The following RUNX1 variants were observed in gnomAD, a reference collection of about 807,000 sequenced individuals.
RUNX1 encodes runt-related transcription factor 1.
In RUNX1, 19 loss-of-function variants were observed where a neutral mutation model predicts 42.8. The ratio of observed to expected loss-of-function variants is 0.44; its 90% CI spans 0.31 to 0.65. RUNX1 has a LOEUF of 0.65. RUNX1 is among the 30% of genes least tolerant of loss of function. RUNX1 has a pLI of 0.07. For missense variants in RUNX1, 528 were observed against 672.0 expected, an observed-to-expected ratio of 0.79 and a Z score of 2.37; for synonymous variants, 271 against 289.4, an observed-to-expected ratio of 0.94 and a Z score of 0.64.
At chr21:34,927,419 C>G (rs2058404170) in intron 2 of RUNX1, among the ~76,000 whole-genome samples, 2 of 152,106 alleles carry the variant, frequency 1.3e-5, no homozygotes, top group Admixed American at 6.6e-5. Flanking sequence ...TATGATGCAA[C>G]TAGTTTCCCA....
At chr21:34,887,958 G>A in intron 3 of RUNX1, 4 of 1,065,936 alleles carry the variant, frequency 3.8e-6, no homozygotes, top group Non-Finnish European at 4.5e-6. Flanking sequence ...ACAATCATAA[G>A]AAGGCCCAGT....
chr21:35,031,541 A>C (rs1054313666), intron 2 of RUNX1, among the ~76,000 whole-genome samples: 1 of 152,220 alleles, frequency 6.6e-6, no homozygotes, highest in African/African-American at 2.4e-5. Context: ...AAATGAAGTC[A>C]GTATGTCGAA....
At chr21:34,996,633 A>ACTCTT (rs76582001) in intron 2 of RUNX1, among the ~76,000 whole-genome samples, 57,897 of 150,916 alleles carry the variant, frequency 0.38, 11,110 homozygotes, top group Admixed American at 0.46. Context: ...GGAATGCTGA[A>ACTCTT]CTCTCTCTCT....
intron 2 of RUNX1, among the ~76,000 whole-genome samples, chr21:34,947,266 T>C (rs952406458): frequency 1.3e-5 from 2 of 152,176 alleles, no homozygotes; most frequent in African/African-American, 4.8e-5. Flanking sequence ...AAGGATGAAG[T>C]TTCAGATTTT....
chr21:35,047,561 A>ACTCT (rs55862184), intron 2 of RUNX1, among the ~76,000 whole-genome samples: 35 of 46,806 alleles, frequency 7.5e-4, no homozygotes, highest in East Asian at 1.4e-3. Context: ...ACACACACAC[A>ACTCT]CTCTCTCTCT....
chr21:35,038,775 A>T (rs929625709), intron 2 of RUNX1: 1 of 455,824 alleles, frequency 2.2e-6, no homozygotes, highest in African/African-American at 2.0e-5. Context: ...ATTTTTATAC[A>T]AAGATCTCCC....
rs1490529119 is a variant in RUNX1 at position 35,036,031 on chromosome 21, G to A, written c.58+12811C>T. Among the ~76,000 whole-genome samples the A allele has an allele frequency of 3.9e-5, 6 of 152,290 alleles. No homozygotes were observed. In the East Asian group the frequency reaches 9.7e-4, roughly 25 times the overall value. On this transcript the variant is annotated intron_variant, in intron 2 of 8. Coordinates refer to ENST00000675419, the MANE Select transcript of RUNX1 (RefSeq NM_001754.5). ...GGACTCCTCAGGAAGAACCCAAGTTGGGTCTGAAGGTGACAGTGGAGGCCA... is the reference window on the plus strand; with the variant it reads ...GGACTCCTCAGGAAGAACCCAAGTTAGGTCTGAAGGTGACAGTGGAGGCCA...
intron 2 of RUNX1, among the ~76,000 whole-genome samples, chr21:35,007,921 A>G (rs1433602027): frequency 6.6e-6 from 1 of 152,038 alleles, no homozygotes; most frequent in East Asian, 1.9e-4. Context: ...CCTGGCATTC[A>G]CAGCCCTTTA....
At chr21:34,886,123 C>T (rs1416353229) in intron 4 of RUNX1, among the ~76,000 whole-genome samples, 1 of 152,234 alleles carries the variant, frequency 6.6e-6, no homozygotes, top group Non-Finnish European at 1.5e-5. Context: ...ACCCCTGGCT[C>T]TCCGAAAACA....
chr21:34,905,456 C>T lies in RUNX1; in HGVS notation c.59-12493G>A, dbSNP rs143005101. 4.5e-4 allele frequency among the ~76,000 whole-genome samples: 68 copies of T among 152,300 alleles called. 1 individual carries two copies. The highest frequency in any genetic ancestry group is 1.6e-3 in the African/African-American group (65 of 41,570). ...CGTTATTATGTGTAAGCTTTATTTT[C>T]ACCGTTGTGTATGATGCTCTTTTCT... On this transcript the variant is annotated intron_variant, in intron 2 of 8. Coordinates refer to ENST00000675419, the MANE Select transcript of RUNX1 (RefSeq NM_001754.5).
At chr21:34,894,630 G>T (rs1460048015) in intron 2 of RUNX1, among the ~76,000 whole-genome samples, 1 of 152,126 alleles carries the variant, frequency 6.6e-6, no homozygotes, top group Non-Finnish European at 1.5e-5. Context: ...GTTTAAGACA[G>T]TGAACAATGA....
chr21:35,044,837 C>T (rs1214714853), intron 2 of RUNX1, among the ~76,000 whole-genome samples: 4 of 152,204 alleles, frequency 2.6e-5, no homozygotes, highest in South Asian at 4.1e-4. Context: ...AATGTAGGAA[C>T]GTCTCAGCTA....
At chr21:34,931,895 C>G (rs2058450231) in intron 2 of RUNX1, among the ~76,000 whole-genome samples, 1 of 152,034 alleles carries the variant, frequency 6.6e-6, no homozygotes, top group Non-Finnish European at 1.5e-5. Context: ...GAAGTCTGTA[C>G]TGAATTCCTT....
chr21:34,855,020 A>T (rs1424196505), intron 6 of RUNX1, among the ~76,000 whole-genome samples: 1 of 152,062 alleles, frequency 6.6e-6, no homozygotes, highest in East Asian at 1.9e-4. Context: ...CACGTGAAAG[A>T]CTCCTTTAAC....
intron 2 of RUNX1, among the ~76,000 whole-genome samples, chr21:34,960,035 G>T (rs2058671726): frequency 6.6e-6 from 1 of 152,138 alleles, no homozygotes; most frequent in Non-Finnish European, 1.5e-5. Context: ...TGCACAGGGG[G>T]TCAGCGAGCA....
intron 5 of RUNX1, among the ~76,000 whole-genome samples, chr21:34,880,105 T>C (rs1437710519): frequency 6.6e-6 from 1 of 152,162 alleles, no homozygotes; most frequent in Admixed American, 6.5e-5. Context: ...ACACTAGAAA[T>C]CCCTAAAATT....
intron 2 of RUNX1, among the ~76,000 whole-genome samples, chr21:34,894,965 A>G (rs1239141720): frequency 6.6e-6 from 1 of 151,594 alleles, no homozygotes; most frequent in African/African-American, 2.4e-5. Flanking sequence ...ATGCATGGTA[A>G]GCTATGTTCC....
intron 2 of RUNX1, among the ~76,000 whole-genome samples, chr21:34,910,771 G>A (rs1286416859): frequency 2.0e-5 from 3 of 151,876 alleles, no homozygotes; most frequent in South Asian, 2.1e-4. Flanking sequence ...ATTTTTTGTC[G>A]TTATGTTATT....
intron 4 of RUNX1, among the ~76,000 whole-genome samples, chr21:34,884,500 G>C (rs1276602493): frequency 3.3e-5 from 5 of 152,148 alleles, no homozygotes; most frequent in Non-Finnish European, 7.4e-5. Flanking sequence ...GCTTATTTAA[G>C]ATCCAAATTT....
Sources: gnomAD v4.1 joint callset for allele counts (sites outside exome capture counted in the v4.1 genomes callset) on GRCh38, gnomAD v4.1.1 for gene constraint, MANE v1.5 for transcripts, NCBI Gene and HGNC (gene_info 2026-07-23, HGNC 2026-07-21) for gene names.